Variants in SYNPR observed in about 807,000 individuals in gnomAD.
SYNPR encodes the protein synaptoporin.
In SYNPR, 23 loss-of-function variants were observed where a neutral mutation model predicts 32.9. That is an observed-to-expected ratio of 0.70 (90% CI 0.50 to 0.99). The LOEUF is 0.99. Among genes scored for constraint, SYNPR ranks in the 50% least tolerant of loss-of-function variants. The pLI is 0.00. For missense variants in SYNPR, 318 were observed against 349.3 expected, an observed-to-expected ratio of 0.91 and a Z score of 0.71; for synonymous variants, 146 against 135.9, an observed-to-expected ratio of 1.07 and a Z score of -0.52.
At chr3:63,586,101 T>A (rs564565618) in intron 4 of SYNPR, among the ~76,000 whole-genome samples, 2 of 152,214 alleles carry the variant, frequency 1.3e-5, no homozygotes, top group East Asian at 1.9e-4. Context: ...AAGCACAGGA[T>A]AATTTCCTCC....
At chr3:63,313,366 C>G (rs1369862555) in intron 2 of SYNPR, among the ~76,000 whole-genome samples, 1 of 151,548 alleles carries the variant, frequency 6.6e-6, no homozygotes, top group Non-Finnish European at 1.5e-5. Flanking sequence ...TCACCCCGCT[C>G]CCACTCTTTC....
intron 2 of SYNPR, among the ~76,000 whole-genome samples, chr3:63,404,979 T>G (rs971188424): frequency 1.8e-4 from 28 of 152,034 alleles, no homozygotes; most frequent in African/African-American, 6.5e-4. Context: ...ATATGATCAT[T>G]TATTTGGTCA....
intron 2 of SYNPR, among the ~76,000 whole-genome samples, chr3:63,293,011 G>A (rs944590767): frequency 2.0e-5 from 3 of 152,110 alleles, no homozygotes; most frequent in Non-Finnish European, 2.9e-5. Context: ...AATTTATGAA[G>A]CTGTTTTCTG....
At position 63,312,239 on chromosome 3, in the gene SYNPR, T is replaced by C. The variant is rs1214066668; in HGVS notation, c.84+33497T>C. On this transcript the variant is annotated intron_variant, in intron 2 of 5. Transcript: ENST00000478300. ...TTCTAGACATCCCTTTTTGCCTATG[T>C]GCTCCAAGATATATGCATATGATTT... 4.6e-5 allele frequency among the ~76,000 whole-genome samples: 7 copies of C among 152,084 alleles called. No homozygotes were observed. In the East Asian group the frequency reaches 5.8e-4, roughly 13 times the overall value.
intron 4 of SYNPR, among the ~76,000 whole-genome samples, chr3:63,571,534 A>G (rs1702886414): frequency 6.6e-6 from 1 of 152,108 alleles, no homozygotes; most frequent in African/African-American, 2.4e-5. Context: ...ATAACAGCCA[A>G]CCTTTTAAAG....
At chr3:63,206,649 A>G in the SYNPR span, among the ~76,000 whole-genome samples, 1 of 152,236 alleles carries the variant, frequency 6.6e-6, no homozygotes, top group African/African-American at 2.4e-5. Flanking sequence ...TATATGACAT[A>G]AAGCTTTTTG....
the SYNPR span, among the ~76,000 whole-genome samples, chr3:63,203,731 T>C: frequency 6.6e-6 from 1 of 152,148 alleles, no homozygotes; most frequent in Non-Finnish European, 1.5e-5. Context: ...GTGCTGTGGC[T>C]TATGCCTGTA....
chr3:63,599,336 T>G (rs987031535), intron 4 of SYNPR, among the ~76,000 whole-genome samples: 1 of 152,192 alleles, frequency 6.6e-6, no homozygotes, highest in Non-Finnish European at 1.5e-5. Flanking sequence ...CTTCCAGTGC[T>G]GCAAGCTCCG....
chr3:63,376,467 A>G (rs777582696), intron 2 of SYNPR, among the ~76,000 whole-genome samples: 17 of 152,022 alleles, frequency 1.1e-4, no homozygotes, highest in African/African-American at 1.9e-4. Flanking sequence ...CTACCTCACT[A>G]TAGGCTTCTC....
intron 2 of SYNPR, among the ~76,000 whole-genome samples, chr3:63,316,500 A>T (rs555026072): frequency 6.6e-6 from 1 of 151,926 alleles, no homozygotes. Flanking sequence ...CATCTCTTCT[A>T]GGTTTTCTAG....
intron 1 of SYNPR, among the ~76,000 whole-genome samples, chr3:63,233,849 T>C (rs1182532218): frequency 1.3e-5 from 2 of 152,200 alleles, no homozygotes; most frequent in Non-Finnish European, 2.9e-5. Context: ...AATGTTGCCA[T>C]TGGCCTTTTC....
At chr3:63,432,141 C>A (rs1395190661) in intron 2 of SYNPR, among the ~76,000 whole-genome samples, 1 of 152,214 alleles carries the variant, frequency 6.6e-6, no homozygotes. Context: ...TTCCAGAGCA[C>A]CCCAGTGAGG....
intron 2 of SYNPR, among the ~76,000 whole-genome samples, chr3:63,464,051 G>A (rs913661053): frequency 6.6e-6 from 1 of 152,062 alleles, no homozygotes; most frequent in Non-Finnish European, 1.5e-5. Context: ...ATACACTTGT[G>A]AGTTTCACCC....
chr3:63,346,638 A>AT (rs2087440508), intron 2 of SYNPR, among the ~76,000 whole-genome samples: 2 of 151,888 alleles, frequency 1.3e-5, no homozygotes, highest in South Asian at 4.2e-4. Flanking sequence ...TGCCCAGCTA[A>AT]TTTTTTGTAT....
chr3:63,325,985 A>G (rs1043594529), intron 2 of SYNPR, among the ~76,000 whole-genome samples: 4 of 152,016 alleles, frequency 2.6e-5, no homozygotes, highest in African/African-American at 9.7e-5. Flanking sequence ...AGAAGATGAG[A>G]AATTGTCATT....
Position 63,376,863 on chromosome 3 carries a change from A to G in SYNPR, c.84+98121A>G, listed in dbSNP as rs183316892. Among the ~76,000 whole-genome samples the G allele has an allele frequency of 4.6e-3, 695 of 152,140 alleles. 3 individuals are homozygous for G. The highest frequency in any genetic ancestry group is 0.012 in the South Asian group (58 of 4,812). ...ATTATTGACTCTTTCCCCCACTAAA[A>G]TGTGTGCTTTACAAGAACCATACCT... On this transcript the variant is annotated intron_variant, in intron 2 of 5. Transcript: ENST00000478300.
At chr3:63,361,815 C>CATATAT (rs34995264) in intron 2 of SYNPR, among the ~76,000 whole-genome samples, 1 of 151,270 alleles carries the variant, frequency 6.6e-6, no homozygotes, top group East Asian at 1.9e-4. Flanking sequence ...TTTCTACACA[C>CATATAT]ATATATATAT....
chr3:63,410,540 G>T (rs758912858), intron 2 of SYNPR, among the ~76,000 whole-genome samples: 1 of 152,124 alleles, frequency 6.6e-6, no homozygotes, highest in Non-Finnish European at 1.5e-5. Flanking sequence ...CCAAAATTTT[G>T]ATCATGATTT....
upstream of SYNPR, among the ~76,000 whole-genome samples, chr3:63,274,171 T>C (rs747395264): frequency 3.3e-5 from 5 of 152,210 alleles, no homozygotes; most frequent in Admixed American, 2.0e-4. Flanking sequence ...CCTCCTGTAT[T>C]AAGTTGCTGC....
Sources: gnomAD v4.1 joint callset for allele counts (sites outside exome capture counted in the v4.1 genomes callset) on GRCh38, gnomAD v4.1.1 for gene constraint, MANE v1.5 for transcripts, NCBI Gene and HGNC (gene_info 2026-07-23, HGNC 2026-07-21) for gene names.